ZFAND3: variants seen among roughly 807,000 people sequenced by gnomAD.
ZFAND3 encodes AN1-type zinc finger protein 3.
In ZFAND3, 10 loss-of-function variants were observed where a neutral mutation model predicts 29.6. The ratio of observed to expected loss-of-function variants is 0.34; its 90% CI spans 0.21 to 0.57. The LOEUF is 0.57. Among genes scored for constraint, ZFAND3 ranks in the 20% least tolerant of loss-of-function variants. The probability of loss-of-function intolerance (pLI) is 0.86; values close to 1 mark genes in which losing one functional copy is unlikely to be tolerated. For missense variants in ZFAND3, 230 were observed against 304.5 expected, an observed-to-expected ratio of 0.76 and a Z score of 1.82; for synonymous variants, 128 against 112.6, an observed-to-expected ratio of 1.14 and a Z score of -0.87.
At chr6:37,843,665 G>T (rs941989849) in intron 1 of ZFAND3, among the ~76,000 whole-genome samples, 5 of 151,962 alleles carry the variant, frequency 3.3e-5, no homozygotes, top group African/African-American at 1.2e-4. Flanking sequence ...AATGGCTTGG[G>T]CCTGTTTTTG....
intron 2 of ZFAND3, among the ~76,000 whole-genome samples, chr6:38,041,627 ACTTTT>A (rs1561976579): frequency 3.8e-4 from 25 of 66,488 alleles, no homozygotes; most frequent in Admixed American, 2.4e-3. Flanking sequence ...TTTTTTATCT[ACTTTT>A]TCTTCTTCTT....
chr6:38,088,679 A>C (rs909738098), intron 4 of ZFAND3, among the ~76,000 whole-genome samples: 19 of 152,226 alleles, frequency 1.2e-4, no homozygotes, highest in African/African-American at 4.6e-4. Context: ...GCTCCGCTCT[A>C]TCTATATTCA....
Position 38,153,916 on chromosome 6 carries a change from A to G in ZFAND3, c.*1527A>G. 9.1e-6 allele frequency: 9 copies of G among 985,478 alleles called. No individual in the cohort carries two copies. Among genetic ancestry groups the G allele is most frequent in the Non-Finnish European group, 1.1e-5 (9 of 829,942 alleles). 61.0% of individuals were successfully genotyped at this position (985,478 alleles called of 1,614,324 possible). On this transcript the variant is annotated 3_prime_UTR_variant, in exon 6 of 6. Transcript: ENST00000287218. ...CCAGCAACTTTCCTTTTTATAAAAC[A>G]ACAAATGGTTCAACTCTGTCTGCAA... is the stretch of plus-strand genomic sequence containing the variant.
At chr6:38,112,231 G>A (rs945269204) in intron 4 of ZFAND3, among the ~76,000 whole-genome samples, 1 of 152,262 alleles carries the variant, frequency 6.6e-6, no homozygotes, top group Admixed American at 6.5e-5. Flanking sequence ...ATGGGGGAGC[G>A]GCAGCTCTGT....
intron 3 of ZFAND3, among the ~76,000 whole-genome samples, chr6:38,075,840 C>T (rs1764543170): frequency 6.6e-6 from 1 of 152,194 alleles, no homozygotes; most frequent in African/African-American, 2.4e-5. Flanking sequence ...CAACCTCCAC[C>T]TCCCGGGTTC....
intron 1 of ZFAND3, among the ~76,000 whole-genome samples, chr6:37,830,313 A>G (rs183203169): frequency 4.4e-4 from 67 of 152,262 alleles, no homozygotes; most frequent in African/African-American, 1.6e-3. Context: ...TATAATTGGG[A>G]ATGAAGTTGC....
At chr6:37,911,114 A>G (rs1765512913) in intron 1 of ZFAND3, among the ~76,000 whole-genome samples, 1 of 152,148 alleles carries the variant, frequency 6.6e-6, no homozygotes, top group South Asian at 2.1e-4. Flanking sequence ...ATTTTAATAT[A>G]CTGTTTTCCA....
chr6:37,868,483 T>C (rs1764629861), intron 1 of ZFAND3, among the ~76,000 whole-genome samples: 1 of 152,156 alleles, frequency 6.6e-6, no homozygotes, highest in South Asian at 2.1e-4. Context: ...GGGTACATAG[T>C]GGAGGGTACT....
intron 1 of ZFAND3, among the ~76,000 whole-genome samples, chr6:37,898,544 A>G (rs1765260812): frequency 6.6e-6 from 1 of 152,202 alleles, no homozygotes; most frequent in African/African-American, 2.4e-5. Flanking sequence ...GTTAAAAAGA[A>G]ATGCTGTGGT....
At chr6:38,137,478 A>T (rs1168888241) in intron 5 of ZFAND3, among the ~76,000 whole-genome samples, 2 of 152,038 alleles carry the variant, frequency 1.3e-5, no homozygotes, top group Admixed American at 1.3e-4. Flanking sequence ...TCAAATGCTG[A>T]CTCTATTTAT....
chr6:37,895,357 G>A (rs1242905904), intron 1 of ZFAND3, among the ~76,000 whole-genome samples: 2 of 150,720 alleles, frequency 1.3e-5, no homozygotes, highest in African/African-American at 2.4e-5. Context: ...TCTTTGAGAC[G>A]GAGTTTCGCT....
intron 2 of ZFAND3, among the ~76,000 whole-genome samples, chr6:37,964,602 A>G (rs1437868411): frequency 1.3e-5 from 2 of 152,174 alleles, no homozygotes; most frequent in Non-Finnish European, 2.9e-5. Context: ...GTATTCTTGT[A>G]TGCAGTTTAT....
At chr6:38,013,079 CAGAA>C (rs1763187084) in intron 2 of ZFAND3, among the ~76,000 whole-genome samples, 1 of 152,158 alleles carries the variant, frequency 6.6e-6, no homozygotes, top group African/African-American at 2.4e-5. Flanking sequence ...GTCAGAGAAA[CAGAA>C]AGGAAGACTC....
chr6:37,859,862 G>GTTT (rs55850662), intron 1 of ZFAND3, among the ~76,000 whole-genome samples: 13 of 133,314 alleles, frequency 9.8e-5, no homozygotes, highest in Admixed American at 1.6e-4. Context: ...GCTGGAGTGG[G>GTTT]TTTTTTTTTT....
At chr6:37,875,585 C>T (rs987028610) in intron 1 of ZFAND3, among the ~76,000 whole-genome samples, 5 of 150,644 alleles carry the variant, frequency 3.3e-5, no homozygotes, top group Non-Finnish European at 7.4e-5. Flanking sequence ...AGATTTTCTT[C>T]GTTGTCATCT....
rs563061084 is a variant in ZFAND3, at chr6:38,112,385, G to A, written c.362-4187G>A. On this transcript the variant is annotated intron_variant, in intron 4 of 5. Transcript: ENST00000287218. ...GTGGGAATGGTTTCCAGCTTGGCAC[G>A]GGAGTTCCTCCTGCTACTAATGAGC... 3.9e-5 allele frequency among the ~76,000 whole-genome samples: 6 copies of A among 152,336 alleles called. No homozygotes were observed. The East Asian group carries it at 5.8e-4, about 15-fold the overall frequency.
intron 1 of ZFAND3, among the ~76,000 whole-genome samples, chr6:37,854,210 C>G (rs983549734): frequency 2.0e-4 from 30 of 152,320 alleles, no homozygotes; most frequent in African/African-American, 7.2e-4. Context: ...CTCAGCCTCC[C>G]AAAGTGCTGG....
At chr6:38,065,415 G>T in intron 3 of ZFAND3, among the ~76,000 whole-genome samples, 1 of 152,152 alleles carries the variant, frequency 6.6e-6, no homozygotes, top group Admixed American at 6.5e-5. Flanking sequence ...AACTGAAGAA[G>T]TCAGGAGGAG....
chr6:38,047,075 C>A (rs1214699344), intron 2 of ZFAND3, among the ~76,000 whole-genome samples: 4 of 151,996 alleles, frequency 2.6e-5, no homozygotes, highest in African/African-American at 7.2e-5. Flanking sequence ...GTAATCCCAG[C>A]ATTTTGGGAG....
Sources: gnomAD v4.1 joint callset for allele counts (sites outside exome capture counted in the v4.1 genomes callset) on GRCh38, gnomAD v4.1.1 for gene constraint, MANE v1.5 for transcripts, NCBI Gene and HGNC (gene_info 2026-07-23, HGNC 2026-07-21) for gene names.